The following SLC12A7 variants were observed in gnomAD, a reference collection of about 807,000 sequenced individuals.
The protein encoded by SLC12A7 is solute carrier family 12 member 7.
Under a neutral mutation model 120.6 loss-of-function variants are expected in SLC12A7, and 100 were observed. The ratio of observed to expected loss-of-function variants is 0.83; its 90% CI spans 0.71 to 0.98. The LOEUF is 0.98. Ranked by LOEUF, SLC12A7 falls within the 50% of genes least tolerant of loss-of-function variation. The probability of loss-of-function intolerance (pLI) is 0.00; values close to 1 mark genes in which losing one functional copy is unlikely to be tolerated. For missense variants in SLC12A7, 1,373 were observed against 1,548.1 expected (o/e 0.89, Z 1.90); for synonymous variants, 760 against 678.0 (o/e 1.12, Z -1.88).
At chr5:1,078,603 T>C in intron 11 of SLC12A7, 98 bp downstream of exon 11, 1 of 1,000,544 alleles carries the variant, frequency 1.0e-6, no homozygotes, top group Non-Finnish European at 1.6e-6. Flanking sequence ...CACGCGGACA[T>C]GAAGTCCTAG....
At chr5:1,064,320 TCA>T in intron 18 of SLC12A7, 68 bp from the exon 19 acceptor site, 2 of 1,535,844 alleles carry the variant, frequency 1.3e-6, no homozygotes, top group Non-Finnish European at 1.8e-6. Context: ...CCCCGGGGAC[TCA>T]CAGCCAGTGC....
chr5:1,149,751 G>A, the SLC12A7 span, among the ~76,000 whole-genome samples: 10 of 151,530 alleles, frequency 6.6e-5, no homozygotes, highest in East Asian at 2.0e-4. Context: ...TATTCAAGCC[G>A]GGTGCGGTGG....
chr5:1,074,474 G>T, intron 16 of SLC12A7, 93 bp downstream of exon 16: 2 of 1,165,334 alleles, frequency 1.7e-6, no homozygotes, highest in Non-Finnish European at 1.2e-6. Flanking sequence ...GAAGGTGAGA[G>T]GCCCCTGAGA....
At chr5:1,073,823 T>C (rs1738002277) in intron 16 of SLC12A7, 22 bp from the exon 17 acceptor site, 2 of 1,393,092 alleles carry the variant, frequency 1.4e-6, no homozygotes, top group Non-Finnish European at 9.4e-7. Context: ...GTGGGGCGGC[T>C]GTTACCACGG....
chr5:1,080,574 A>G (rs1738933463), intron 9 of SLC12A7, among the ~76,000 whole-genome samples: 1 of 152,262 alleles, frequency 6.6e-6, no homozygotes. Context: ...CCAGAAGGGC[A>G]GCTGCAGGCT....
At chr5:1,135,329 A>G in the SLC12A7 span, among the ~76,000 whole-genome samples, 1 of 152,034 alleles carries the variant, frequency 6.6e-6, no homozygotes, top group East Asian at 1.9e-4. Flanking sequence ...GGACCCAGGA[A>G]GTCAACCACA....
chr5:1,103,110 T>TC (rs1742174571), intron 1 of SLC12A7, among the ~76,000 whole-genome samples: 1 of 152,170 alleles, frequency 6.6e-6, no homozygotes, highest in African/African-American at 2.4e-5. Context: ...ACTGAGGCTC[T>TC]CAAGGGGCAC....
chr5:1,098,850 C>T (rs1189743580), intron 1 of SLC12A7, among the ~76,000 whole-genome samples: 1 of 151,146 alleles, frequency 6.6e-6, no homozygotes, highest in African/African-American at 2.4e-5. Context: ...ACTTGGACAT[C>T]GGCAGTCCTG....
the SLC12A7 span, among the ~76,000 whole-genome samples, chr5:1,117,875 T>C: frequency 6.6e-6 from 1 of 152,030 alleles, no homozygotes; most frequent in Non-Finnish European, 1.5e-5. The surrounding 1 kb of genome is among the most constrained non-coding windows in gnomAD (Gnocchi z 4.5). Flanking sequence ...ATCGAGACCA[T>C]CCTGGCTAAC....
At chr5:1,152,524 G>A in the SLC12A7 span, among the ~76,000 whole-genome samples, 1 of 152,092 alleles carries the variant, frequency 6.6e-6, no homozygotes, top group South Asian at 2.1e-4. Flanking sequence ...GCAGAGAGAA[G>A]GGACCCATCC....
At chr5:1,055,555 G>A (rs759899523) in intron 22 of SLC12A7, among the ~76,000 whole-genome samples, 9 of 152,094 alleles carry the variant, frequency 5.9e-5, no homozygotes, top group Non-Finnish European at 1.0e-4. Flanking sequence ...CATCCCAGAC[G>A]CACGCCACAC....
chr5:1,146,223 T>C, the SLC12A7 span, among the ~76,000 whole-genome samples: 4 of 152,338 alleles, frequency 2.6e-5, no homozygotes, highest in African/African-American at 9.6e-5. The surrounding 1 kb of genome is among the most constrained non-coding windows in gnomAD (Gnocchi z 6.5). Flanking sequence ...TTGAGGCTCC[T>C]CTGGGAGAGT....
chr5:1,104,475 A>T (rs1417370456), intron 1 of SLC12A7, among the ~76,000 whole-genome samples: 1 of 152,200 alleles, frequency 6.6e-6, no homozygotes, highest in Non-Finnish European at 1.5e-5. Context: ...CAAACCAGGC[A>T]TGCCAACCAA....
intron 1 of SLC12A7, among the ~76,000 whole-genome samples, chr5:1,108,062 C>T (rs1479689706): frequency 7.1e-6 from 1 of 140,158 alleles, no homozygotes; most frequent in African/African-American, 2.7e-5. Flanking sequence ...CCACAGCACA[C>T]AGCTGTGCAA....
At chr5:1,135,440 G>A in the SLC12A7 span, among the ~76,000 whole-genome samples, 2 of 151,944 alleles carry the variant, frequency 1.3e-5, no homozygotes, top group South Asian at 2.1e-4. Context: ...AGCCATTCTC[G>A]CTCCAGCCCA....
At chr5:1,057,712 C>T (rs1052608662) in intron 21 of SLC12A7, 63 bp from the exon 22 acceptor site, 32 of 1,484,106 alleles carry the variant, frequency 2.2e-5, no homozygotes, top group African/African-American at 1.1e-4. Flanking sequence ...GAGAGCGACC[C>T]GGGATGCCAG....
At chr5:1,115,278 C>T (rs950762637), upstream of SLC12A7, among the ~76,000 whole-genome samples, 1 of 144,846 alleles carries the variant, frequency 6.9e-6, no homozygotes, top group Non-Finnish European at 1.5e-5. Context: ...ATTCTCGAAA[C>T]AGTCCCTGCT....
intron 22 of SLC12A7, among the ~76,000 whole-genome samples, chr5:1,054,639 G>C (rs963581173): frequency 6.6e-6 from 1 of 152,242 alleles, no homozygotes; most frequent in African/African-American, 2.4e-5. Flanking sequence ...GAGGTCACCA[G>C]CGCCCTGGAC....
intron 1 of SLC12A7, among the ~76,000 whole-genome samples, chr5:1,106,451 C>CAA (rs36005053): frequency 1.7e-4 from 14 of 81,786 alleles, no homozygotes; most frequent in East Asian, 3.6e-4. Flanking sequence ...AACTCTGTCT[C>CAA]AAAAAAAAAA....
Sources: gnomAD v4.1 joint callset for allele counts (sites outside exome capture counted in the v4.1 genomes callset) on GRCh38, gnomAD v4.1.1 for gene constraint, Gnocchi (gnomAD v3.1) non-coding constraint, MANE v1.5 for transcripts, NCBI Gene and HGNC (gene_info 2026-07-23, HGNC 2026-07-21) for gene names.